The following ZFAT variants were observed in gnomAD, a reference collection of about 807,000 sequenced individuals.
ZFAT encodes the protein zinc finger protein ZFAT.
A neutral mutation model predicts 117.7 loss-of-function variants in ZFAT; 64 were observed. The observed-to-expected ratio is 0.54, with a 90% CI of 0.44 to 0.67. The LOEUF is 0.67. ZFAT is among the 30% of genes least tolerant of loss of function. The probability of loss-of-function intolerance (pLI) is 0.00; values close to 1 mark genes in which losing one functional copy is unlikely to be tolerated. For synonymous variants in ZFAT, 679 were observed against 615.0 expected (o/e 1.10, Z -1.54); for missense variants, 1,433 against 1,584.5 (o/e 0.90, Z 1.62).
the ZFAT span, among the ~76,000 whole-genome samples, chr8:134,786,897 GGA>G: frequency 6.7e-6 from 1 of 148,806 alleles, no homozygotes; most frequent in Admixed American, 6.7e-5. Context: ...TGCCCAGGCT[GGA>G]GTGTAGTGAC....
intron 12 of ZFAT, among the ~76,000 whole-genome samples, chr8:134,531,184 T>C (rs1821377340): frequency 6.6e-6 from 1 of 152,178 alleles, no homozygotes; most frequent in Non-Finnish European, 1.5e-5. Flanking sequence ...GCACATTTTT[T>C]CCAAGGCAAT....
intron 1 of ZFAT, among the ~76,000 whole-genome samples, chr8:134,680,973 CTG>C (rs1833043925): frequency 6.6e-6 from 1 of 152,126 alleles, no homozygotes; most frequent in Admixed American, 6.5e-5. Flanking sequence ...AAAAAAATAA[CTG>C]TGGCAAACAA....
chr8:134,652,122 A>G (rs925353660), intron 2 of ZFAT, among the ~76,000 whole-genome samples: 5 of 152,240 alleles, frequency 3.3e-5, no homozygotes, highest in Non-Finnish European at 5.9e-5. Context: ...GTTCAAGACC[A>G]GCCTGGCCAA....
At chr8:134,587,075 A>C (rs1434879954) in intron 9 of ZFAT, among the ~76,000 whole-genome samples, 2 of 152,208 alleles carry the variant, frequency 1.3e-5, no homozygotes, top group African/African-American at 2.4e-5. Flanking sequence ...GTCCACATGC[A>C]TCATAAACCT....
chr8:134,680,611 C>T (rs1256498206), intron 1 of ZFAT, among the ~76,000 whole-genome samples: 1 of 152,062 alleles, frequency 6.6e-6, no homozygotes, highest in Admixed American at 6.6e-5. Context: ...CAAACGTACA[C>T]CAATAAAAAT....
the ZFAT span, among the ~76,000 whole-genome samples, chr8:134,813,643 G>C: frequency 6.6e-6 from 1 of 152,098 alleles, no homozygotes; most frequent in Middle Eastern, 3.2e-3. Flanking sequence ...TCCAACTCCT[G>C]ACCTCAGTTG....
Position 134,478,695 on chromosome 8 carries a change from G to A in ZFAT, c.3519C>T (p.Asn1173=), listed in dbSNP as rs925014390. 2 of 1,574,906 alleles carry A rather than the reference G, an allele frequency of 1.3e-6. No homozygotes were observed. The highest frequency in any genetic ancestry group is 1.7e-6 in the Non-Finnish European group (2 of 1,160,608). Residue 1173 remains asparagine (N), a synonymous_variant, in exon 16 of 16, where the codon AAC becomes AAT. Transcript: ENST00000377838. This position sits in a 1 kb window ranked among gnomAD's most constrained non-coding sequence, Gnocchi z 5.2. ...KQVTEEEPSS[N]HTVMIQETVQ... ...CCGTCTCCTGGATCATGACCGTGTGGTTGGAGCTGGGCTCCTCCTCGGTGA... is the reference window on the plus strand; with the variant it reads ...CCGTCTCCTGGATCATGACCGTGTGATTGGAGCTGGGCTCCTCCTCGGTGA...
intron 12 of ZFAT, among the ~76,000 whole-genome samples, chr8:134,525,810 A>G (rs147636195): frequency 6.6e-6 from 1 of 152,210 alleles, no homozygotes; most frequent in Non-Finnish European, 1.5e-5. Context: ...ACAAACACTA[A>G]ATTCTTAAAT....
At chr8:134,487,290 G>GT (rs1356088632) in intron 15 of ZFAT, among the ~76,000 whole-genome samples, 3 of 152,088 alleles carry the variant, frequency 2.0e-5, no homozygotes, top group African/African-American at 7.2e-5. Context: ...TTGCCCCCTG[G>GT]TTTACAGTCA....
chr8:134,540,851 T>C (rs1053256889), intron 11 of ZFAT, among the ~76,000 whole-genome samples: 5 of 152,228 alleles, frequency 3.3e-5, no homozygotes, highest in Non-Finnish European at 7.3e-5. Context: ...TATCTAACCA[T>C]CAATTTAGTT....
At chr8:134,645,509 A>T (rs1178878056) in intron 2 of ZFAT, among the ~76,000 whole-genome samples, 1 of 152,238 alleles carries the variant, frequency 6.6e-6, no homozygotes, top group Non-Finnish European at 1.5e-5. Flanking sequence ...AAAAGAAAAC[A>T]TACGGAAGAA....
At chr8:134,770,590 A>C in the ZFAT span, among the ~76,000 whole-genome samples, 1 of 152,228 alleles carries the variant, frequency 6.6e-6, no homozygotes. Flanking sequence ...GTGTTTAAAC[A>C]ATATGAAATC....
chr8:134,698,881 T>C (rs1363772956), intron 1 of ZFAT, among the ~76,000 whole-genome samples: 1 of 152,254 alleles, frequency 6.6e-6, no homozygotes, highest in African/African-American at 2.4e-5. Context: ...TGGGCATTTC[T>C]TACATAGTCT....
chr8:134,538,710 T>C (rs1700716085), intron 11 of ZFAT, among the ~76,000 whole-genome samples: 1 of 151,102 alleles, frequency 6.6e-6, no homozygotes, highest in Non-Finnish European at 1.5e-5. Context: ...GGCACGAGAA[T>C]TGCTTGAACC....
intron 8 of ZFAT, among the ~76,000 whole-genome samples, chr8:134,589,561 G>A (rs1478752485): frequency 2.0e-5 from 3 of 152,230 alleles, no homozygotes; most frequent in Non-Finnish European, 2.9e-5. Flanking sequence ...CTGGAGATGA[G>A]GCGGGATAAG....
chr8:134,701,260 G>T (rs1834000580), intron 1 of ZFAT, among the ~76,000 whole-genome samples: 1 of 152,136 alleles, frequency 6.6e-6, no homozygotes, highest in African/African-American at 2.4e-5. Context: ...TCATGTAAGG[G>T]TAATCATTTG....
At chr8:134,801,178 T>G in the ZFAT span, among the ~76,000 whole-genome samples, 1 of 152,058 alleles carries the variant, frequency 6.6e-6, no homozygotes, top group Non-Finnish European at 1.5e-5. Context: ...AACCCTCTCC[T>G]CATCTTCTCC....
At chr8:134,634,023 G>A (rs1255572775) in intron 3 of ZFAT, among the ~76,000 whole-genome samples, 3 of 151,884 alleles carry the variant, frequency 2.0e-5, no homozygotes, top group Non-Finnish European at 4.4e-5. Flanking sequence ...TCCAGCCTAG[G>A]CAACAAGAGC....
At chr8:134,819,891 T>G in the ZFAT span, among the ~76,000 whole-genome samples, 7 of 152,206 alleles carry the variant, frequency 4.6e-5, no homozygotes, top group Non-Finnish European at 1.0e-4. Flanking sequence ...AGATTCCTTT[T>G]GGAATCCCAG....
Sources: gnomAD v4.1 joint callset for allele counts (sites outside exome capture counted in the v4.1 genomes callset) on GRCh38, gnomAD v4.1.1 for gene constraint, Gnocchi (gnomAD v3.1) non-coding constraint, MANE v1.5 for transcripts, NCBI Gene and HGNC (gene_info 2026-07-23, HGNC 2026-07-21) for gene names.